Variants in PTPRG observed in about 807,000 individuals in gnomAD.
PTPRG encodes the protein protein tyrosine phosphatase receptor type G, also known as receptor-type tyrosine-protein phosphatase gamma.
A neutral mutation model predicts 165.3 loss-of-function variants in PTPRG; 102 were observed. The observed-to-expected ratio is 0.62, with a 90% CI of 0.53 to 0.73. The LOEUF (loss-of-function observed/expected upper bound fraction) is 0.73, where lower values mean the gene tolerates loss of function less well. Among genes scored for constraint, PTPRG ranks in the 30% least tolerant of loss-of-function variants. The probability of loss-of-function intolerance (pLI) is 0.00; values close to 1 mark genes in which losing one functional copy is unlikely to be tolerated. For synonymous variants in PTPRG, 675 were observed against 669.5 expected (o/e 1.01, Z -0.13); for missense variants, 1,866 against 1,861.4 (o/e 1.00, Z -0.05).
At chr3:62,140,935 A>G (rs1260098015) in intron 6 of PTPRG, among the ~76,000 whole-genome samples, 1 of 152,012 alleles carries the variant, frequency 6.6e-6, no homozygotes, top group African/African-American at 2.4e-5. Context: ...TTGGGTAATA[A>G]AAATCTTTCT....
chr3:61,596,796 T>C (rs1700713242), intron 1 of PTPRG, among the ~76,000 whole-genome samples: 1 of 152,252 alleles, frequency 6.6e-6, no homozygotes, highest in Non-Finnish European at 1.5e-5. Flanking sequence ...TTATTATTAT[T>C]ATTATGTTTA....
chr3:61,824,662 A>G (rs776452948), intron 2 of PTPRG, among the ~76,000 whole-genome samples: 1 of 152,164 alleles, frequency 6.6e-6, no homozygotes, highest in Non-Finnish European at 1.5e-5. Context: ...TTAACTAGGT[A>G]TGGTGGCACA....
intron 2 of PTPRG, among the ~76,000 whole-genome samples, chr3:61,942,950 C>T (rs1317247421): frequency 3.3e-5 from 5 of 152,146 alleles, no homozygotes; most frequent in African/African-American, 4.8e-5. Flanking sequence ...TAGTATTCTC[C>T]CTAGGATATG....
chr3:61,894,051 C>G (rs556684649), intron 2 of PTPRG, among the ~76,000 whole-genome samples: 95 of 152,124 alleles, frequency 6.2e-4, no homozygotes, highest in African/African-American at 2.2e-3. Context: ...CGCCTCTAAT[C>G]CCAGCACTGT....
chr3:61,869,554 T>C (rs1286206475), intron 2 of PTPRG, among the ~76,000 whole-genome samples: 1 of 151,754 alleles, frequency 6.6e-6, no homozygotes, highest in East Asian at 1.9e-4. Context: ...TGCCATTCAT[T>C]AACCCTCCCC....
At chr3:61,636,246 A>G (rs1022258872) in intron 1 of PTPRG, among the ~76,000 whole-genome samples, 1 of 152,186 alleles carries the variant, frequency 6.6e-6, no homozygotes, top group Non-Finnish European at 1.5e-5. Flanking sequence ...TTTTGCATAT[A>G]TTCAAAGAGT....
intron 2 of PTPRG, among the ~76,000 whole-genome samples, chr3:61,877,686 G>T (rs2037780503): frequency 6.6e-6 from 1 of 152,210 alleles, no homozygotes; most frequent in Non-Finnish European, 1.5e-5. Context: ...AGCTTATGAT[G>T]CAATGAGACT....
intron 2 of PTPRG, among the ~76,000 whole-genome samples, chr3:61,886,273 A>C (rs1176860770): frequency 2.0e-5 from 3 of 152,028 alleles, no homozygotes; most frequent in Non-Finnish European, 4.4e-5. Context: ...CTCTTATAGG[A>C]GATGGAGGTT....
At chr3:61,626,009 T>G (rs1160698329) in intron 1 of PTPRG, among the ~76,000 whole-genome samples, 1 of 127,550 alleles carries the variant, frequency 7.8e-6, no homozygotes, top group Non-Finnish European at 1.6e-5. Context: ...CAGGGTTTGT[T>G]TGTTTTTTTT....
chr3:61,903,569 T>A (rs2038557901), intron 2 of PTPRG, among the ~76,000 whole-genome samples: 1 of 152,122 alleles, frequency 6.6e-6, no homozygotes, highest in Admixed American at 6.5e-5. Flanking sequence ...AGACAGGGTT[T>A]CCCCATGTTG....
chr3:61,674,203 G>A (rs535822105), intron 1 of PTPRG, among the ~76,000 whole-genome samples: 9 of 151,756 alleles, frequency 5.9e-5, no homozygotes, highest in Non-Finnish European at 1.2e-4. Context: ...AAAGAAACAT[G>A]GCTTTGCATG....
intron 2 of PTPRG, among the ~76,000 whole-genome samples, chr3:61,752,121 A>G (rs1013547047): frequency 9.2e-5 from 14 of 152,208 alleles, no homozygotes; most frequent in Admixed American, 7.2e-4. Context: ...GGAATGCACA[A>G]GTGTCGCGAT....
intron 5 of PTPRG, among the ~76,000 whole-genome samples, chr3:62,099,669 G>A (rs1702222422): frequency 6.6e-6 from 1 of 151,456 alleles, no homozygotes. Flanking sequence ...AATACCATAA[G>A]CAAACACTGC....
chr3:62,120,648 G>C (rs1703031366), intron 5 of PTPRG, among the ~76,000 whole-genome samples: 2 of 151,986 alleles, frequency 1.3e-5, no homozygotes, highest in African/African-American at 4.8e-5. Context: ...CTACTGGGGA[G>C]CCTGAGGCAG....
intron 1 of PTPRG, among the ~76,000 whole-genome samples, chr3:61,684,006 T>C (rs1353359332): frequency 6.6e-6 from 1 of 152,246 alleles, no homozygotes; most frequent in Non-Finnish European, 1.5e-5. Flanking sequence ...AGGGCAAGCA[T>C]GACATAAACA....
In PTPRG at chr3:61,761,296, G is replaced by T. The variant is rs185019810; in HGVS notation, c.190+12314G>T. 2.0e-4 allele frequency among the ~76,000 whole-genome samples: 30 copies of T among 152,224 alleles called. 1 individual carries two copies. The East Asian group carries it at 5.4e-3, about 27-fold the overall frequency. ...TGACTTTCTAATCATCATCATTCTG[G>T]TCAGGCATGGTGGCTCACGCCTGTA... is the stretch of plus-strand genomic sequence containing the variant. On this transcript the variant is annotated intron_variant, in intron 2 of 29. Transcript: ENST00000474889.
In PTPRG at chr3:61,598,635, A is replaced by G. The variant is rs915024190; in HGVS notation, c.85+36263A>G. Among the ~76,000 whole-genome samples, 9 of 152,104 alleles carry G rather than the reference A, an allele frequency of 5.9e-5. 1 individual carries two copies. The highest frequency in any genetic ancestry group is 2.0e-4 in the Admixed American group (3 of 15,270). ...AAGAGAAGATGTGAGCTTGGATGGTATATTCGTTTGCTAGGGCCCCTGTAA... is the reference window on the plus strand; with the variant it reads ...AAGAGAAGATGTGAGCTTGGATGGTGTATTCGTTTGCTAGGGCCCCTGTAA... On this transcript the variant is annotated intron_variant, in intron 1 of 29. Transcript: ENST00000474889.
At chr3:61,577,202 A>C (rs1364316400) in intron 1 of PTPRG, among the ~76,000 whole-genome samples, 3 of 152,228 alleles carry the variant, frequency 2.0e-5, no homozygotes, top group Non-Finnish European at 4.4e-5. Context: ...AAGAGTAGGC[A>C]TGAAAGGTGA....
At chr3:61,969,796 T>C (rs1449801422) in intron 2 of PTPRG, among the ~76,000 whole-genome samples, 1 of 151,988 alleles carries the variant, frequency 6.6e-6, no homozygotes, top group Non-Finnish European at 1.5e-5. Context: ...CCTCAAGACA[T>C]GATAGGGGAG....
Sources: allele counts gnomAD v4.1 joint callset (sites outside exome capture counted in the v4.1 genomes callset), GRCh38; gene constraint gnomAD v4.1.1; transcripts MANE v1.5; gene names NCBI Gene and HGNC (gene_info 2026-07-23, HGNC 2026-07-21).